Variants in AMPD3 observed in about 807,000 individuals in gnomAD.
AMPD3 encodes the protein AMP deaminase 3.
Under a neutral mutation model 82.3 loss-of-function variants are expected in AMPD3, and 57 were observed. The observed-to-expected ratio is 0.69, with a 90% CI of 0.56 to 0.86. The LOEUF (loss-of-function observed/expected upper bound fraction) is 0.86. AMPD3 is among the 40% of genes least tolerant of loss of function. The probability of loss-of-function intolerance (pLI) is 0.00; values close to 1 mark genes in which losing one functional copy is unlikely to be tolerated. For synonymous variants in AMPD3, 381 were observed against 394.7 expected (o/e 0.97, Z 0.41); for missense variants, 870 against 1,003.8 (o/e 0.87, Z 1.80).
intron 2 of AMPD3, among the ~76,000 whole-genome samples, chr11:10,463,331 A>G (rs1417709144): frequency 6.6e-6 from 1 of 152,258 alleles, no homozygotes; most frequent in Non-Finnish European, 1.5e-5. Context: ...AAGGATGGTG[A>G]GCCCATAAAG....
intron 2 of AMPD3, among the ~76,000 whole-genome samples, chr11:10,464,721 T>C (rs1232505871): frequency 3.3e-5 from 5 of 152,210 alleles, no homozygotes; most frequent in Non-Finnish European, 5.9e-5. Context: ...AGAGGTGCCT[T>C]TATATGTAAA....
In AMPD3 at chr11:10,485,054, C is replaced by T; in HGVS notation, c.809+15C>T. The T allele has an allele frequency of 6.2e-7, 1 of 1,606,702 alleles. No homozygotes were observed. Reference sequence around the variant, plus strand: ...GATGGCCCCACGTAAGCTAGCTTCTCCGCGGCTGCCTGTCTTTGCACAGGT... The same window carrying T: ...GATGGCCCCACGTAAGCTAGCTTCTTCGCGGCTGCCTGTCTTTGCACAGGT... On this transcript the variant is annotated intron_variant, in intron 5 of 14. Coordinates refer to ENST00000396553, the MANE Select transcript of AMPD3 (RefSeq NM_001025389.2).
chr11:10,478,094 C>T (rs996976602), intron 2 of AMPD3: 7 of 985,218 alleles, frequency 7.1e-6, no homozygotes, highest in African/African-American at 1.7e-5. Context: ...TTTCTGAGAC[C>T]GTTCATATGT....
chr11:10,480,539 C>T (rs1848873638), intron 3 of AMPD3, among the ~76,000 whole-genome samples: 1 of 151,986 alleles, frequency 6.6e-6, no homozygotes, highest in African/African-American at 2.4e-5. Flanking sequence ...AATACTACTT[C>T]TTAGTAGTAT....
At chr11:10,501,709 A>C in intron 12 of AMPD3, 119 bp downstream of exon 12, 1 of 1,531,104 alleles carries the variant, frequency 6.5e-7, no homozygotes, top group South Asian at 1.2e-5. Context: ...GTCTGTCCTT[A>C]TCTTGGTTTT....
chr11:10,485,069 T>C (rs1347450393), intron 5 of AMPD3, 30 bp downstream of exon 5: 8 of 1,587,526 alleles, frequency 5.0e-6, no homozygotes, highest in Non-Finnish European at 6.9e-6. Context: ...GCTGCCTGTC[T>C]TTGCACAGGT....
At chr11:10,494,330 G>A (rs1332357163) in intron 7 of AMPD3, among the ~76,000 whole-genome samples, 3 of 152,194 alleles carry the variant, frequency 2.0e-5, no homozygotes, top group African/African-American at 7.2e-5. Context: ...GCTGGGGAGA[G>A]GAAGGTATGG....
intron 2 of AMPD3, among the ~76,000 whole-genome samples, chr11:10,463,926 C>A (rs1848343329): frequency 6.6e-6 from 1 of 152,174 alleles, no homozygotes; most frequent in Non-Finnish European, 1.5e-5. Flanking sequence ...AGACATCCTG[C>A]CTCCCCATTG....
In AMPD3 at chr11:10,494,162, A is replaced by C. The variant is rs139562896; in HGVS notation, c.1134+619A>C. Among the ~76,000 whole-genome samples the C allele has an allele frequency of 4.8e-4, 73 of 152,388 alleles. No homozygotes were observed. In the East Asian group the frequency reaches 0.013, roughly 28 times the overall value. On this transcript the variant is annotated intron_variant, in intron 7 of 14. Coordinates refer to ENST00000396553, the MANE Select transcript of AMPD3 (RefSeq NM_001025389.2). The stretch of plus-strand genomic sequence containing the variant: ...TATCATTCAGCCATAAAAGGGAGTC[A>C]AGTACTGTACATGCAACAACCATGA...
Position 10,456,038 on chromosome 11 carries a change from A to G in AMPD3, c.-6+590A>G. Reference sequence around the variant, plus strand: ...AGGACGGCTGAGTTTACTGTTGTAAAGAGGAAGCCGCCGCTTTAGTTTCCT... The same window carrying G: ...AGGACGGCTGAGTTTACTGTTGTAAGGAGGAAGCCGCCGCTTTAGTTTCCT... On this transcript the variant is annotated intron_variant, in intron 1 of 14. Coordinates refer to ENST00000396553, the MANE Select transcript of AMPD3 (RefSeq NM_001025389.2). This position sits in a 1 kb window ranked among gnomAD's most constrained non-coding sequence, Gnocchi z 4.3. 9.5e-7 allele frequency: 1 copy of G among 1,050,630 alleles called. No homozygotes were observed. The highest frequency in any genetic ancestry group is 1.7e-5 in the African/African-American group (1 of 59,716). 65.1% of individuals were successfully genotyped at this position (1,050,630 alleles called of 1,614,324 possible).
rs573976008 is a variant in AMPD3, at chr11:10,455,371, C to T, written c.-83C>T. The T allele has an allele frequency of 8.0e-5, 79 of 985,466 alleles. No homozygotes were observed. The highest frequency in any genetic ancestry group is 7.0e-4 in the African/African-American group (40 of 57,320). The allele number at this position is 985,466 out of a possible 1,614,324, so 61.0% of individuals were successfully genotyped here. A position where few individuals can be genotyped will look rare whatever the true frequency, so the allele number is the denominator to read the frequency against. On this transcript the variant is annotated 5_prime_UTR_variant, in exon 1 of 15. Coordinates refer to ENST00000396553, the MANE Select transcript of AMPD3 (RefSeq NM_001025389.2). ...GCTCCTGTGGGTCACTTGAGGCAGG[C>T]TCCACCTTCCCCAGGAGGAGTGGCA...
chr11:10,468,568 AT>A (rs1385001821), intron 2 of AMPD3, among the ~76,000 whole-genome samples: 2 of 152,190 alleles, frequency 1.3e-5, no homozygotes, highest in African/African-American at 4.8e-5. Context: ...CACAATAATA[AT>A]GGGAGACTTT....
intron 3 of AMPD3, among the ~76,000 whole-genome samples, chr11:10,480,347 T>C (rs1848865497): frequency 1.3e-5 from 2 of 152,202 alleles, no homozygotes; most frequent in Admixed American, 1.3e-4. Context: ...GGCTTCGTTG[T>C]TGGCAGGGAC....
At chr11:10,490,117 A>C (rs887507164) in intron 6 of AMPD3, among the ~76,000 whole-genome samples, 1 of 152,192 alleles carries the variant, frequency 6.6e-6, no homozygotes, top group Non-Finnish European at 1.5e-5. Flanking sequence ...GGTCTGAGGC[A>C]GGAGCTGCGA....
In AMPD3 at chr11:10,455,281, A is replaced by T; in HGVS notation, c.-173A>T. 2.1e-5 allele frequency: 21 copies of T among 985,450 alleles called. No homozygotes were observed. Among genetic ancestry groups the T allele is most frequent in the Non-Finnish European group, 2.4e-5 (20 of 829,964 alleles). 61.0% of individuals were successfully genotyped at this position (985,450 alleles called of 1,614,324 possible). On this transcript the variant is annotated 5_prime_UTR_variant, in exon 1 of 15. It removes an upstream start codon present in the reference 5' UTR. Transcript: ENST00000396553. ...GCCTTCCCACTCTCCTAAAGGGCAGATGAAGATCAGAGCTTTGCACCCTGT... is the reference window on the plus strand; with the variant it reads ...GCCTTCCCACTCTCCTAAAGGGCAGTTGAAGATCAGAGCTTTGCACCCTGT...
Position 10,501,573 on chromosome 11 carries a change from G to T in AMPD3, c.1825G>T (p.Gly609Trp), listed in dbSNP as rs1301507874. 1 of 1,614,002 alleles carries T rather than the reference G, an allele frequency of 6.2e-7. No individual in the cohort carries two copies. Among genetic ancestry groups the T allele is most frequent in the Non-Finnish European group, 8.5e-7 (1 of 1,180,034 alleles). ...CCTCACTGCTGACAACATTTCCCAC[G>T]GGCTGCTCCTCAAGAAGGTAACCAG... is the stretch of plus-strand genomic sequence containing the variant. ...AFLTADNISH[G>W]LLLKKSPVLQ... Residue 609 changes from glycine to tryptophan, a missense_variant, in exon 12 of 15, where the codon GGG (glycine) becomes TGG (tryptophan). Gly to Trp is a radical substitution (Grantham distance 184). Transcript: ENST00000396553.
chr11:10,490,309 G>A (rs1849204505), intron 6 of AMPD3: 1 of 164,180 alleles, frequency 6.1e-6, no homozygotes, highest in African/African-American at 2.4e-5. Flanking sequence ...GTAGAAGTAG[G>A]TGACATCCAC....
chr11:10,455,918 A>G (rs1848079930), intron 1 of AMPD3: 1 of 985,426 alleles, frequency 1.0e-6, no homozygotes, highest in Non-Finnish European at 1.2e-6. Context: ...TCAGAACGGA[A>G]GCAGCAAAGG....
chr11:10,501,655 C>T (rs1564858269), intron 12 of AMPD3, 65 bp downstream of exon 12: 2 of 1,613,164 alleles, frequency 1.2e-6, no homozygotes, highest in Non-Finnish European at 1.7e-6. Context: ...CTGGGAGGCT[C>T]AACCAGTGAG....
Sources: allele counts gnomAD v4.1 joint callset (sites outside exome capture counted in the v4.1 genomes callset), GRCh38; gene constraint gnomAD v4.1.1; non-coding constraint Gnocchi (gnomAD v3.1); transcripts MANE v1.5; gene names NCBI Gene and HGNC (gene_info 2026-07-23, HGNC 2026-07-21).